The following THADA variants were observed in gnomAD, a reference collection of about 807,000 sequenced individuals.
THADA encodes the protein tRNA (32-2'-O)-methyltransferase regulator THADA.
A neutral mutation model predicts 219.8 loss-of-function variants in THADA; 213 were observed. The ratio of observed to expected loss-of-function variants is 0.97; its 90% CI spans 0.87 to 1.09. The LOEUF (loss-of-function observed/expected upper bound fraction) is 1.09. THADA is among the 50% of genes least tolerant of loss of function. The probability of loss-of-function intolerance (pLI) is 0.00; values close to 1 mark genes in which losing one functional copy is unlikely to be tolerated. For missense variants in THADA, 2,956 were observed against 2,311.3 expected (o/e 1.28, Z -5.72); for synonymous variants, 1,018 against 828.9 (o/e 1.23, Z -3.92).
rs190097300 is a variant in THADA at position 43,592,022 on chromosome 2, T to C, written c.101A>G (p.Asn34Ser). The change falls in exon 3 of 38, where the codon AAT becomes AGT. Residue 34 changes from asparagine (N) to serine (S), a missense_variant. Asn to Ser is a conservative substitution (Grantham distance 46, BLOSUM62 1). Coordinates refer to ENST00000405975, the MANE Select transcript of THADA (RefSeq NM_022065.5). ...ACAATGTAACAGCAAAGAAGCTAGA[T>C]TTTTCCCTTCCACATCAGCAAAAGC... is the stretch of plus-strand genomic sequence containing the variant. ...LKSFADVEGK[N>S]LASLLLHCVQ... 38 of 1,561,822 alleles carry C rather than the reference T, an allele frequency of 2.4e-5. No homozygotes were observed. Among genetic ancestry groups the C allele is most frequent in the African/African-American group, 1.4e-5 (1 of 73,778 alleles).
At chr2:43,561,144 C>G (rs1458733146) in intron 15 of THADA, among the ~76,000 whole-genome samples, 1 of 151,876 alleles carries the variant, frequency 6.6e-6, no homozygotes, top group Admixed American at 6.6e-5. Flanking sequence ...AATCTTTTGG[C>G]CCTTCAGGGA....
chr2:43,298,319 A>C (rs1349835461), intron 31 of THADA, among the ~76,000 whole-genome samples: 5 of 96,472 alleles, frequency 5.2e-5, no homozygotes, highest in Admixed American at 4.1e-4. Flanking sequence ...TGCTCTCTGA[A>C]ACATGTGCTG....
At chr2:43,377,601 C>G (rs575292960) in intron 29 of THADA, among the ~76,000 whole-genome samples, 2 of 152,036 alleles carry the variant, frequency 1.3e-5, no homozygotes, top group African/African-American at 4.8e-5. Flanking sequence ...ATCATCTGAT[C>G]GGGGATATGG....
At chr2:43,387,421 A>G (rs1672823671) in intron 29 of THADA, among the ~76,000 whole-genome samples, 1 of 152,200 alleles carries the variant, frequency 6.6e-6, no homozygotes, top group African/African-American at 2.4e-5. Flanking sequence ...GAGAGGAAGG[A>G]AAGTGCCTCC....
chr2:43,531,924 G>T (rs1244740400), intron 21 of THADA, among the ~76,000 whole-genome samples: 1 of 150,250 alleles, frequency 6.7e-6, no homozygotes, highest in Non-Finnish European at 1.5e-5. Flanking sequence ...ACATCATAAA[G>T]AATACCTATA....
intron 23 of THADA, among the ~76,000 whole-genome samples, chr2:43,506,835 G>T (rs1689735147): frequency 6.6e-6 from 1 of 152,116 alleles, no homozygotes; most frequent in African/African-American, 2.4e-5. Flanking sequence ...AAGAGTGAAA[G>T]TTACAAGTTA....
intron 26 of THADA, among the ~76,000 whole-genome samples, chr2:43,471,098 G>T (rs1055218171): frequency 4.6e-5 from 7 of 152,150 alleles, no homozygotes; most frequent in Non-Finnish European, 1.0e-4. Context: ...CTAAAGGTCC[G>T]TGGTTCTCCT....
chr2:43,279,826 T>A lies in THADA; in HGVS notation c.5235A>T (p.Arg1745Ser). ...TLLQSEEQAVRDAATETVTTA... is the reference protein window; with the variant it reads ...TLLQSEEQAVSDAATETVTTA... ...TTGTCACGGTTTCCGTGGCTGCATC[T>A]CTAACAGCTTGCTCCTCACTCTGCA... The change falls in exon 36 of 38, where the codon AGA becomes AGT. Residue 1745 changes from arginine to serine, a missense_variant. Arg to Ser is a moderately radical substitution (Grantham distance 110). Transcript: ENST00000405975. 6.4e-7 allele frequency: 1 copy of A among 1,561,666 alleles called. No individual in the cohort carries two copies. The highest frequency in any genetic ancestry group is 8.7e-7 in the Non-Finnish European group (1 of 1,152,614).
chr2:43,574,938 G>C lies in THADA; in HGVS notation c.1127C>G (p.Pro376Arg). 3 of 1,613,934 alleles carry C rather than the reference G, an allele frequency of 1.9e-6. No homozygotes were observed. Among genetic ancestry groups the C allele is most frequent in the Non-Finnish European group, 2.5e-6 (3 of 1,179,858 alleles). The change falls in exon 11 of 38, where the codon CCG becomes CGG. Residue 376 changes from proline to arginine, a missense_variant. Pro to Arg is a moderately radical substitution (Grantham distance 103). Coordinates refer to ENST00000405975, the MANE Select transcript of THADA (RefSeq NM_022065.5). The part of the protein sequence containing the change: ...SAIQVLESSS[P>R]SLTDSLNGNS... ...CCCATTCAGGCTGTCCGTTAGGCTC[G>C]GGGAACTTGATTCAAGGACTTGTAT...
intron 28 of THADA, among the ~76,000 whole-genome samples, chr2:43,425,692 T>C (rs1239529303): frequency 6.6e-6 from 1 of 152,168 alleles, no homozygotes; most frequent in Non-Finnish European, 1.5e-5. Flanking sequence ...ATAACACACA[T>C]GGACAGTCAA....
At chr2:43,306,737 G>T (rs1676908796) in intron 31 of THADA, among the ~76,000 whole-genome samples, 2 of 152,226 alleles carry the variant, frequency 1.3e-5, no homozygotes, top group African/African-American at 4.8e-5. Context: ...ATTTTAATGT[G>T]AAGTCCAGCC....
intron 36 of THADA, among the ~76,000 whole-genome samples, chr2:43,245,172 C>CTTTTTTTTTTTTTT (rs200036949): frequency 0.011 from 1,161 of 102,942 alleles, 154 homozygotes; most frequent in African/African-American, 0.02. Context: ...CTTTCTTCTT[C>CTTTTTTTTTTTTTT]TTTTTTTTTT....
At chr2:43,583,497 A>G in intron 7 of THADA, among the ~76,000 whole-genome samples, 1 of 152,252 alleles carries the variant, frequency 6.6e-6, no homozygotes, top group Non-Finnish European at 1.5e-5. Flanking sequence ...AAAAGTTAGG[A>G]AAAACAACTT....
chr2:43,356,917 C>T (rs1668929278), intron 29 of THADA, among the ~76,000 whole-genome samples: 1 of 152,188 alleles, frequency 6.6e-6, no homozygotes, highest in South Asian at 2.1e-4. Context: ...AGGGCACTTG[C>T]TTTTTTATCA....
At position 43,267,448 on chromosome 2, in the gene THADA, G is replaced by A. The variant is rs368471285; in HGVS notation, c.5296+12317C>T. On this transcript the variant is annotated intron_variant, in intron 36 of 37. Coordinates refer to ENST00000405975, the MANE Select transcript of THADA (RefSeq NM_022065.5). Reference sequence around the variant, plus strand: ...AAGATGGCAGATTGCGAGAAGTGAAGTTCCTATCTCCCAAAACCCAGTCTT... The same window carrying A: ...AAGATGGCAGATTGCGAGAAGTGAAATTCCTATCTCCCAAAACCCAGTCTT... Among the ~76,000 whole-genome samples, 26 of 152,316 alleles carry A rather than the reference G, an allele frequency of 1.7e-4. 1 individual carries two copies. Among genetic ancestry groups the A allele is most frequent in the African/African-American group, 4.8e-4 (20 of 41,552 alleles).
rs79650500 is a variant in THADA, at chr2:43,570,008, C to A, written c.2187+380G>T. On this transcript the variant is annotated intron_variant, in intron 14 of 37. Coordinates refer to ENST00000405975, the MANE Select transcript of THADA (RefSeq NM_022065.5). ...TGGGCCAAGAGTCATTAATATCAAGCCTCTGTAAGTCATCTCAAACTAAAG... is the reference window on the plus strand; with the variant it reads ...TGGGCCAAGAGTCATTAATATCAAGACTCTGTAAGTCATCTCAAACTAAAG... Among the ~76,000 whole-genome samples, 1,085 of 152,288 alleles carry A rather than the reference C, an allele frequency of 7.1e-3. 12 individuals are homozygous for A. The highest frequency in any genetic ancestry group is 0.025 in the African/African-American group (1,040 of 41,556).
At chr2:43,345,364 A>G (rs758114472) in intron 29 of THADA, among the ~76,000 whole-genome samples, 90 of 152,372 alleles carry the variant, frequency 5.9e-4, no homozygotes, top group Admixed American at 1.8e-3. Flanking sequence ...GACGTCTGCA[A>G]TCACCAACAA....
intron 35 of THADA, among the ~76,000 whole-genome samples, chr2:43,281,929 C>G (rs11894465): frequency 3.3e-5 from 5 of 152,128 alleles, no homozygotes; most frequent in African/African-American, 1.2e-4. Context: ...ACCACCACAT[C>G]TGGCTAATTT....
intron 20 of THADA, 114 bp from the exon 21 acceptor site, chr2:43,541,430 T>C (rs1268422321): frequency 2.6e-6 from 3 of 1,174,918 alleles, no homozygotes; most frequent in South Asian, 2.8e-5. Flanking sequence ...AAACCCGATT[T>C]GTCATGTTAT....
Sources: allele counts gnomAD v4.1 joint callset (sites outside exome capture counted in the v4.1 genomes callset), GRCh38; gene constraint gnomAD v4.1.1; transcripts MANE v1.5; gene names NCBI Gene and HGNC (gene_info 2026-07-23, HGNC 2026-07-21).